The following GMDS variants were observed in gnomAD, a reference collection of about 807,000 sequenced individuals.
The protein encoded by GMDS is GDP-mannose 4,6-dehydratase.
A neutral mutation model predicts 49.9 loss-of-function variants in GMDS; 20 were observed. That is an observed-to-expected ratio of 0.40 (90% confidence interval 0.28 to 0.58). The LOEUF (loss-of-function observed/expected upper bound fraction) is 0.58, where lower values mean the gene tolerates loss of function less well. Among genes scored for constraint, GMDS ranks in the 20% least tolerant of loss-of-function variants. The pLI, the probability that GMDS is intolerant of heterozygous loss-of-function variation, is 0.42. For synonymous variants in GMDS, 177 were observed against 178.6 expected, an observed-to-expected ratio of 0.99 and a Z score of 0.07; for missense variants, 362 against 481.4, an observed-to-expected ratio of 0.75 and a Z score of 2.32.
At chr6:1,737,877 A>C (rs962603198) in intron 8 of GMDS, among the ~76,000 whole-genome samples, 1 of 149,616 alleles carries the variant, frequency 6.7e-6, no homozygotes, top group Non-Finnish European at 1.5e-5. Context: ...ACACACATAC[A>C]TACACACGCA....
intron 4 of GMDS, among the ~76,000 whole-genome samples, chr6:1,962,968 C>A (rs907738351): frequency 6.6e-6 from 1 of 150,782 alleles, no homozygotes; most frequent in African/African-American, 2.4e-5. Flanking sequence ...CCTCTGCCTC[C>A]CGGGTTCAAG....
chr6:2,206,454 G>C (rs1779812135), intron 1 of GMDS, among the ~76,000 whole-genome samples: 1 of 152,128 alleles, frequency 6.6e-6, no homozygotes, highest in Non-Finnish European at 1.5e-5. Context: ...CTTGTCTCTT[G>C]CATGAATTCA....
rs1483075586 is a variant in GMDS at position 1,867,677 on chromosome 6, A to T, written c.771+62426T>A. ...TAAATATCTTAGAGGATAGGGAGAT[A>T]TGAGAAAATTTCCCTCTATTAATTA... is the stretch of plus-strand genomic sequence containing the variant. On this transcript the variant is annotated intron_variant, in intron 7 of 10. Transcript: ENST00000380815. 2.0e-5 allele frequency among the ~76,000 whole-genome samples: 3 copies of T among 152,222 alleles called. 1 individual carries two copies. Among genetic ancestry groups the T allele is most frequent in the Admixed American group, 6.5e-5 (1 of 15,288 alleles).
intron 7 of GMDS, among the ~76,000 whole-genome samples, chr6:1,780,859 AC>A: frequency 6.6e-6 from 1 of 152,330 alleles, no homozygotes; most frequent in African/African-American, 2.4e-5. Flanking sequence ...CTGAACTGTA[AC>A]CCAGGATTTA....
chr6:1,756,274 T>C (rs1427925509), intron 7 of GMDS, among the ~76,000 whole-genome samples: 1 of 151,930 alleles, frequency 6.6e-6, no homozygotes, highest in East Asian at 1.9e-4. Flanking sequence ...GGTTTTTTTT[T>C]TTTTTTGAGA....
At chr6:2,018,474 C>T (rs1346524769) in intron 4 of GMDS, among the ~76,000 whole-genome samples, 2 of 152,276 alleles carry the variant, frequency 1.3e-5, no homozygotes, top group East Asian at 3.9e-4. Flanking sequence ...ACCTTACACC[C>T]CTTTTAGCAG....
chr6:2,195,147 G>A (rs1388291452), intron 1 of GMDS, among the ~76,000 whole-genome samples: 2 of 152,072 alleles, frequency 1.3e-5, no homozygotes, highest in African/African-American at 4.8e-5. Flanking sequence ...TCCAGTAAAA[G>A]CTTTAACCAG....
intron 1 of GMDS, among the ~76,000 whole-genome samples, chr6:2,133,180 T>G (rs73716955): frequency 6.6e-6 from 1 of 152,120 alleles, no homozygotes; most frequent in South Asian, 2.1e-4. Flanking sequence ...TGCAAGGCCA[T>G]GCTTAATGAA....
chr6:1,675,390 G>A (rs988869146), intron 9 of GMDS, among the ~76,000 whole-genome samples: 1 of 151,192 alleles, frequency 6.6e-6, no homozygotes, highest in Admixed American at 6.6e-5. Flanking sequence ...GAAAGACAAA[G>A]ACAGTGTTAT....
chr6:1,804,434 G>A (rs577158753), intron 7 of GMDS, among the ~76,000 whole-genome samples: 15 of 152,368 alleles, frequency 9.8e-5, no homozygotes, highest in South Asian at 2.1e-4. Flanking sequence ...TAACTGTGGC[G>A]TCTGCCACCT....
intron 4 of GMDS, among the ~76,000 whole-genome samples, chr6:2,020,665 A>T (rs1768223698): frequency 2.0e-5 from 3 of 152,160 alleles, no homozygotes; most frequent in Admixed American, 2.0e-4. Flanking sequence ...GCAAAAAAAA[A>T]TGCTTACTGA....
chr6:1,704,861 G>T (rs1765676193), intron 9 of GMDS, among the ~76,000 whole-genome samples: 1 of 151,978 alleles, frequency 6.6e-6, no homozygotes, highest in Non-Finnish European at 1.5e-5. Flanking sequence ...TGGAGAGGGG[G>T]GCGGGGGTGA....
chr6:1,721,624 G>GA lies in GMDS; in HGVS notation c.987+4791dup, dbSNP rs1292090180. Among the ~76,000 whole-genome samples, 3 of 152,018 alleles carry GA rather than the reference G, an allele frequency of 2.0e-5. No homozygotes were observed. In the East Asian group the frequency reaches 5.8e-4, roughly 29 times the overall value. On this transcript the variant is annotated intron_variant, in intron 9 of 10. Coordinates refer to ENST00000380815, the MANE Select transcript of GMDS (RefSeq NM_001500.4). The stretch of plus-strand genomic sequence containing the variant: ...AAAGGGACTTTTTGTTTGTTTGACT[G>GA]AAAAAAATCTCTTTGCTTTTTTTTT...
intron 6 of GMDS, among the ~76,000 whole-genome samples, chr6:1,951,129 A>G (rs1763320431): frequency 6.6e-6 from 1 of 152,194 alleles, no homozygotes; most frequent in African/African-American, 2.4e-5. Context: ...TTACAGCAAC[A>G]AATAAAGACA....
intron 4 of GMDS, among the ~76,000 whole-genome samples, chr6:2,104,609 G>A (rs764954138): frequency 2.6e-5 from 4 of 152,124 alleles, no homozygotes; most frequent in Admixed American, 6.5e-5. Context: ...CTACACAAAC[G>A]TAAAGCTTAT....
intron 1 of GMDS, among the ~76,000 whole-genome samples, chr6:2,158,911 T>C (rs537603301): frequency 6.6e-6 from 1 of 152,198 alleles, no homozygotes; most frequent in African/African-American, 2.4e-5. Context: ...TTTTGACAAG[T>C]ATACCTACTT....
intron 4 of GMDS, among the ~76,000 whole-genome samples, chr6:1,974,441 G>A (rs1764783016): frequency 6.6e-6 from 1 of 152,148 alleles, no homozygotes; most frequent in South Asian, 2.1e-4. Flanking sequence ...CAGATACAGA[G>A]AGAAGGCTGC....
At chr6:2,091,322 C>T (rs754755707) in intron 4 of GMDS, among the ~76,000 whole-genome samples, 1 of 152,166 alleles carries the variant, frequency 6.6e-6, no homozygotes, top group African/African-American at 2.4e-5. Flanking sequence ...CTTCCATTTT[C>T]CATTACTAGG....
At chr6:1,921,321 GA>G (rs1761704681) in intron 7 of GMDS, among the ~76,000 whole-genome samples, 1 of 152,100 alleles carries the variant, frequency 6.6e-6, no homozygotes, top group African/African-American at 2.4e-5. Flanking sequence ...ATCTGTAAAT[GA>G]AAACTCAATT....
Sources: gnomAD v4.1 joint callset for allele counts (sites outside exome capture counted in the v4.1 genomes callset) on GRCh38, gnomAD v4.1.1 for gene constraint, MANE v1.5 for transcripts, NCBI Gene and HGNC (gene_info 2026-07-23, HGNC 2026-07-21) for gene names.